Variants in BPHL observed in about 807,000 individuals in gnomAD.
BPHL encodes serine hydrolase BPHL.
In BPHL, 27 loss-of-function variants were observed where a neutral mutation model predicts 31.2. That is an observed-to-expected ratio of 0.87 (90% CI 0.64 to 1.19). The LOEUF (loss-of-function observed/expected upper bound fraction) is 1.19. BPHL is among the 50% of genes most tolerant of loss of function. BPHL has a pLI of 0.00. For missense variants in BPHL, 356 were observed against 375.7 expected (o/e 0.95, Z 0.43); for synonymous variants, 150 against 146.8 (o/e 1.02, Z -0.16).
chr6:3,134,688 C>T (rs554626303), intron 4 of BPHL, among the ~76,000 whole-genome samples: 28 of 151,618 alleles, frequency 1.8e-4, no homozygotes, highest in Non-Finnish European at 3.2e-4. Context: ...CTGCAAACTC[C>T]GCCTCCTGTG....
chr6:3,137,024 C>T (rs546266058), intron 4 of BPHL, among the ~76,000 whole-genome samples: 32 of 152,194 alleles, frequency 2.1e-4, no homozygotes, highest in African/African-American at 6.5e-4. Context: ...TAAAGGAAAG[C>T]GGTAAGTGCA....
At chr6:3,146,481 CCA>C (rs1762369065) in intron 6 of BPHL, among the ~76,000 whole-genome samples, 1 of 85,126 alleles carries the variant, frequency 1.2e-5, no homozygotes, top group African/African-American at 5.5e-5. Flanking sequence ...AGTGCTGGTT[CCA>C]GCTGGAGTGC....
chr6:3,147,473 G>T (rs1762414952), intron 6 of BPHL, among the ~76,000 whole-genome samples: 1 of 152,014 alleles, frequency 6.6e-6, no homozygotes, highest in Non-Finnish European at 1.5e-5. Context: ...TCGCTCTGTT[G>T]CCCAGGCTGG....
intron 3 of BPHL, 30 bp downstream of exon 3, chr6:3,127,438 G>A (rs751136060): frequency 1.3e-6 from 2 of 1,502,056 alleles, no homozygotes; most frequent in South Asian, 2.6e-5. Flanking sequence ...GCCAGGGGAG[G>A]AAGGGTGGCT....
At chr6:3,137,945 A>G (rs1222331439) in intron 5 of BPHL, 3 of 1,238,624 alleles carry the variant, frequency 2.4e-6, no homozygotes, top group Non-Finnish European at 3.2e-6. Flanking sequence ...AATTAATATG[A>G]GGAAGAAAAT....
chr6:3,144,381 T>TTTTTG (rs1762265572), intron 6 of BPHL, among the ~76,000 whole-genome samples: 4 of 94,482 alleles, frequency 4.2e-5, no homozygotes, highest in African/African-American at 1.5e-4. Context: ...TCTTTTTTTT[T>TTTTTG]TTTTTTTTTG....
At chr6:3,121,433 G>A (rs1460151630) in intron 1 of BPHL, among the ~76,000 whole-genome samples, 1 of 151,376 alleles carries the variant, frequency 6.6e-6, no homozygotes, top group African/African-American at 2.4e-5. Flanking sequence ...CTGAGTAGCT[G>A]GGATTACAGG....
chr6:3,128,729 C>G (rs985408405), intron 3 of BPHL, among the ~76,000 whole-genome samples: 2 of 152,264 alleles, frequency 1.3e-5, no homozygotes, highest in African/African-American at 2.4e-5. Flanking sequence ...CACGCATACA[C>G]ACGTATGCTG....
intron 4 of BPHL, among the ~76,000 whole-genome samples, chr6:3,136,372 CTCTTCAGCCTTTA>C (rs1203162422): frequency 6.6e-6 from 1 of 152,196 alleles, no homozygotes; most frequent in African/African-American, 2.4e-5. Context: ...GCAGTTCATC[CTCTTCAGCCTTTA>C]TCTTCAGCTC....
In BPHL at chr6:3,123,665, T is replaced by G; in HGVS notation, c.116T>G (p.Val39Gly). ...TGTTTTTTCTCTTCTAGCACCTCGG[T>G]AACCTCTGCCAAAGTGGCTGTGAAT... is the stretch of plus-strand genomic sequence containing the variant. ...AGPAAAFGTS[V>G]TSAKVAVNGV... is the part of the protein sequence containing the mutation. Residue 39 changes from valine (V) to glycine (G), a missense_variant, in exon 2 of 7, where the codon GTA becomes GGA. Coordinates refer to ENST00000380379, the MANE Select transcript of BPHL (RefSeq NM_004332.4). 2 of 1,613,586 alleles carry G rather than the reference T, an allele frequency of 1.2e-6. No individual in the cohort carries two copies. The highest frequency in any genetic ancestry group is 8.5e-7 in the Non-Finnish European group (1 of 1,179,682).
intron 4 of BPHL, among the ~76,000 whole-genome samples, chr6:3,134,717 C>T (rs1433923198): frequency 6.6e-6 from 1 of 151,992 alleles, no homozygotes; most frequent in Non-Finnish European, 1.5e-5. Context: ...ATTCTCCTGC[C>T]TCAACCTCCC....
chr6:3,137,806 T>C (rs13201495), intron 5 of BPHL, among the ~76,000 whole-genome samples: 39 of 152,326 alleles, frequency 2.6e-4, no homozygotes, highest in African/African-American at 9.4e-4. Context: ...CCTTAAACCG[T>C]TTCTATTTTC....
At chr6:3,129,314 C>CCCGTGCCGTGCATTTTG in intron 4 of BPHL, 116 bp downstream of exon 4, 1 of 1,293,360 alleles carries the variant, frequency 7.7e-7, no homozygotes. Context: ...TAGTTCTCAA[C>CCCGTGCCGTGCATTTTG]TCTCAGGTAG....
intron 4 of BPHL, among the ~76,000 whole-genome samples, chr6:3,131,860 G>A (rs1761878806): frequency 6.6e-6 from 1 of 152,122 alleles, no homozygotes; most frequent in Non-Finnish European, 1.5e-5. Context: ...AGCTCCTTGG[G>A]CCTCCGCGTC....
At chr6:3,124,779 T>A (rs1482319472) in intron 2 of BPHL, among the ~76,000 whole-genome samples, 1 of 152,192 alleles carries the variant, frequency 6.6e-6, no homozygotes, top group Non-Finnish European at 1.5e-5. Context: ...ATAGGAAGGC[T>A]GACTGTACTT....
chr6:3,148,698 C>T lies in BPHL; in HGVS notation c.789-3790C>T, dbSNP rs143639290. Among the ~76,000 whole-genome samples, 25 of 152,370 alleles carry T rather than the reference C, an allele frequency of 1.6e-4. No individual in the cohort carries two copies. In the East Asian group the frequency reaches 3.9e-3, roughly 23 times the overall value. ...GGAAGGGAAAACCATCAGCTCCACA[C>T]GCTGCTTGTGGGCTCGTTACAGGAT... On this transcript the variant is annotated intron_variant, in intron 6 of 6. Transcript: ENST00000380379.
rs773750361 is a variant in BPHL, at chr6:3,123,752, G to A, written c.203G>A (p.Gly68Glu). The change falls in exon 2 of 7, where the codon GGG becomes GAG. Residue 68 changes from glycine (G) to glutamate (E), a missense_variant. By Grantham distance (98) the Gly-to-Glu change is moderately conservative. Coordinates refer to ENST00000380379, the MANE Select transcript of BPHL (RefSeq NM_004332.4). ...EGDHAVLLLP[G>E]MLGSGETDFG... Reference sequence around the variant, plus strand: ...GATCACGCAGTCCTGCTACTTCCTGGGATGTTAGGTCTGGGTACTTTTTAA... The same window carrying A: ...GATCACGCAGTCCTGCTACTTCCTGAGATGTTAGGTCTGGGTACTTTTTAA... The A allele has an allele frequency of 1.9e-6, 3 of 1,611,236 alleles. No individual in the cohort carries two copies. In the East Asian group the frequency reaches 6.7e-5, roughly 36 times the overall value.
At chr6:3,121,301 T>C (rs1761566200) in intron 1 of BPHL, among the ~76,000 whole-genome samples, 1 of 134,712 alleles carries the variant, frequency 7.4e-6, no homozygotes, top group Admixed American at 7.2e-5. Context: ...CTTTTTTTTT[T>C]TTTTTTTTTT....
chr6:3,131,996 G>A (rs1043671693), intron 4 of BPHL, among the ~76,000 whole-genome samples: 9 of 152,148 alleles, frequency 5.9e-5, no homozygotes, highest in South Asian at 4.1e-4. Context: ...CCCTTGCCTC[G>A]GTCACCGCAG....
Sources: gnomAD v4.1 joint callset for allele counts (sites outside exome capture counted in the v4.1 genomes callset) on GRCh38, gnomAD v4.1.1 for gene constraint, MANE v1.5 for transcripts, NCBI Gene and HGNC (gene_info 2026-07-23, HGNC 2026-07-21) for gene names.